Variants in TASP1 observed in about 807,000 individuals in gnomAD.
TASP1 encodes the protein taspase 1, also known as threonine aspartase 1.
A neutral mutation model predicts 56.6 loss-of-function variants in TASP1; 16 were observed. The ratio of observed to expected loss-of-function variants is 0.28; its 90% CI spans 0.19 to 0.43. The LOEUF (loss-of-function observed/expected upper bound fraction) is 0.43, where lower values mean the gene tolerates loss of function less well. Among genes scored for constraint, TASP1 ranks in the 20% least tolerant of loss-of-function variants. TASP1 has a pLI of 1.00. For missense variants in TASP1, 393 were observed against 511.6 expected (o/e 0.77, Z 2.24); for synonymous variants, 179 against 184.2 (o/e 0.97, Z 0.23).
chr20:13,479,193 T>C (rs1462819012), intron 11 of TASP1, among the ~76,000 whole-genome samples: 1 of 152,138 alleles, frequency 6.6e-6, no homozygotes. Flanking sequence ...AAAGGGGTTA[T>C]TGAACTTAAT....
At chr20:13,371,260 GTTGATATGGGATC>G in the TASP1 span, among the ~76,000 whole-genome samples, 1 of 152,016 alleles carries the variant, frequency 6.6e-6, no homozygotes, top group Non-Finnish European at 1.5e-5. Flanking sequence ...ATGTTTGGTT[GTTGATATGGGATC>G]TTTCTTCTTT....
At chr20:13,457,182 G>C (rs1379680555) in intron 11 of TASP1, among the ~76,000 whole-genome samples, 2 of 152,026 alleles carry the variant, frequency 1.3e-5, no homozygotes, top group Admixed American at 6.6e-5. Flanking sequence ...ATGAGGAGTT[G>C]ATGGGTTCAG....
the TASP1 span, among the ~76,000 whole-genome samples, chr20:13,217,952 T>C: frequency 2.6e-5 from 4 of 152,112 alleles, no homozygotes; most frequent in Non-Finnish European, 5.9e-5. Context: ...CTTTGCCATG[T>C]AGAAAGGAAA....
At chr20:13,531,782 T>A (rs1392772371) in intron 9 of TASP1, among the ~76,000 whole-genome samples, 1 of 151,968 alleles carries the variant, frequency 6.6e-6, no homozygotes, top group Non-Finnish European at 1.5e-5. Context: ...TCTTGCCTTA[T>A]CCCCCCCAAC....
intron 4 of TASP1, chr20:13,616,821 T>C: frequency 3.3e-6 from 1 of 301,290 alleles, no homozygotes; most frequent in Non-Finnish European, 6.6e-6. Flanking sequence ...TCAGCATCAG[T>C]ACTCAAAAAA....
the TASP1 span, among the ~76,000 whole-genome samples, chr20:13,259,444 C>T: frequency 6.6e-6 from 1 of 151,872 alleles, no homozygotes; most frequent in African/African-American, 2.4e-5. Flanking sequence ...AAAAACTGTC[C>T]AAATAAAATT....
intron 4 of TASP1, among the ~76,000 whole-genome samples, chr20:13,590,561 A>C (rs2047485508): frequency 6.6e-6 from 1 of 152,162 alleles, no homozygotes; most frequent in African/African-American, 2.4e-5. Context: ...AAAGAAGGAA[A>C]GAAAACACAA....
At chr20:13,411,661 G>A (rs1198993938) in intron 13 of TASP1, among the ~76,000 whole-genome samples, 1 of 152,162 alleles carries the variant, frequency 6.6e-6, no homozygotes, top group Non-Finnish European at 1.5e-5. Context: ...CTTAAGCAAG[G>A]TTTGGGATCT....
chr20:13,454,995 A>G (rs959904927), intron 11 of TASP1, among the ~76,000 whole-genome samples: 4 of 152,148 alleles, frequency 2.6e-5, no homozygotes, highest in Admixed American at 1.3e-4. Flanking sequence ...ATTTAATTGC[A>G]TATTTTTACA....
intron 6 of TASP1, among the ~76,000 whole-genome samples, chr20:13,576,993 G>A (rs1200977996): frequency 6.6e-6 from 1 of 151,974 alleles, no homozygotes; most frequent in Admixed American, 6.6e-5. Flanking sequence ...AGTCATTTTT[G>A]TACATCTATG....
chr20:13,270,638 G>A, the TASP1 span: 3 of 1,613,942 alleles, frequency 1.9e-6, no homozygotes, highest in East Asian at 2.2e-5. Flanking sequence ...AAGAGACGGG[G>A]CACCCTTCAT....
chr20:13,309,471 C>T, the TASP1 span, among the ~76,000 whole-genome samples: 2 of 152,108 alleles, frequency 1.3e-5, no homozygotes, highest in Admixed American at 6.5e-5. Context: ...ACATCATACT[C>T]ATCAGTGAAA....
At chr20:13,219,644 C>G in the TASP1 span, among the ~76,000 whole-genome samples, 1 of 152,018 alleles carries the variant, frequency 6.6e-6, no homozygotes, top group African/African-American at 2.4e-5. Context: ...ACTCTATAAA[C>G]AGCTGCCAAT....
chr20:13,359,944 T>C, the TASP1 span, among the ~76,000 whole-genome samples: 16 of 152,074 alleles, frequency 1.1e-4, no homozygotes, highest in African/African-American at 3.4e-4. Context: ...CCCCACTCAA[T>C]GCCAATATCC....
intron 10 of TASP1, among the ~76,000 whole-genome samples, chr20:13,500,503 G>A (rs749588512): frequency 1.3e-5 from 2 of 151,378 alleles, no homozygotes; most frequent in Non-Finnish European, 2.9e-5. Context: ...ATCAGATAAG[G>A]TTTTTAAATG....
the TASP1 span, among the ~76,000 whole-genome samples, chr20:13,211,003 G>C: frequency 6.6e-6 from 1 of 151,930 alleles, no homozygotes; most frequent in Non-Finnish European, 1.5e-5. Context: ...AATAATTCCA[G>C]TTTCTCATTA....
At chr20:13,282,603 C>T in the TASP1 span, among the ~76,000 whole-genome samples, 10,648 of 152,210 alleles carry the variant, frequency 0.07, 537 homozygotes, top group East Asian at 0.24. Context: ...ATCAGGAGCT[C>T]GTAGCATGCC....
chr20:13,344,831 C>T, the TASP1 span, among the ~76,000 whole-genome samples: 4 of 152,208 alleles, frequency 2.6e-5, no homozygotes, highest in Non-Finnish European at 1.5e-5. Flanking sequence ...TGAGCACACT[C>T]AGCGGCTGGC....
chr20:13,287,797 G>A, the TASP1 span, among the ~76,000 whole-genome samples: 5 of 152,220 alleles, frequency 3.3e-5, no homozygotes, highest in East Asian at 7.7e-4. Context: ...TTAATGTATC[G>A]GTAATCTATT....
Sources: allele counts gnomAD v4.1 joint callset (sites outside exome capture counted in the v4.1 genomes callset), GRCh38; gene constraint gnomAD v4.1.1; transcripts MANE v1.5; gene names NCBI Gene and HGNC (gene_info 2026-07-23, HGNC 2026-07-21).